Variants in GRID1 observed in about 807,000 individuals in gnomAD.
GRID1 encodes the protein glutamate receptor ionotropic, delta-1.
A neutral mutation model predicts 98.0 loss-of-function variants in GRID1; 28 were observed. That is an observed-to-expected ratio of 0.29 (90% CI 0.21 to 0.39). The LOEUF is 0.39. Among genes scored for constraint, GRID1 ranks in the 10% least tolerant of loss-of-function variants. The pLI, the probability that GRID1 is intolerant of heterozygous loss-of-function variation, is 1.00. For synonymous variants in GRID1, 553 were observed against 538.5 expected (o/e 1.03, Z -0.37); for missense variants, 1,111 against 1,340.5 (o/e 0.83, Z 2.67).
intron 8 of GRID1, among the ~76,000 whole-genome samples, chr10:85,799,661 A>T (rs1469010976): frequency 1.3e-5 from 2 of 152,112 alleles, no homozygotes; most frequent in Non-Finnish European, 2.9e-5. Context: ...AATCTTAAAA[A>T]AGCCAATCTC....
At chr10:86,079,435 C>T (rs1395039154) in intron 4 of GRID1, among the ~76,000 whole-genome samples, 2 of 152,124 alleles carry the variant, frequency 1.3e-5, no homozygotes, top group East Asian at 3.9e-4. Flanking sequence ...CTCCAGGGCT[C>T]CAGGGCTCCA....
intron 12 of GRID1, among the ~76,000 whole-genome samples, chr10:85,648,946 T>G (rs534350432): frequency 6.6e-6 from 1 of 152,356 alleles, no homozygotes; most frequent in South Asian, 2.1e-4. Flanking sequence ...CAACCAACAC[T>G]GTGGTCCAGA....
At chr10:86,259,259 G>A (rs1342707034) in intron 2 of GRID1, among the ~76,000 whole-genome samples, 1 of 152,138 alleles carries the variant, frequency 6.6e-6, no homozygotes, top group African/African-American at 2.4e-5. Context: ...AGCCCTAACA[G>A]TTTAACCCAA....
intron 4 of GRID1, among the ~76,000 whole-genome samples, chr10:86,016,901 G>T (rs942726072): frequency 1.3e-5 from 2 of 152,318 alleles, no homozygotes; most frequent in Non-Finnish European, 1.5e-5. Flanking sequence ...TCCACAGAAT[G>T]AGGGTGCTCT....
intron 13 of GRID1, among the ~76,000 whole-genome samples, chr10:85,642,933 T>C (rs569999166): frequency 3.9e-5 from 6 of 152,252 alleles, no homozygotes; most frequent in African/African-American, 1.2e-4. Flanking sequence ...GGCTCAATGA[T>C]GTGTATTGGC....
intron 5 of GRID1, among the ~76,000 whole-genome samples, chr10:85,906,457 C>A (rs1841462609): frequency 6.6e-6 from 1 of 152,130 alleles, no homozygotes; most frequent in Non-Finnish European, 1.5e-5. Context: ...GGATCCTTTT[C>A]AAGTATACTT....
chr10:85,617,153 C>T (rs573200819), intron 14 of GRID1, among the ~76,000 whole-genome samples: 37 of 152,270 alleles, frequency 2.4e-4, no homozygotes, highest in Admixed American at 5.2e-4. Flanking sequence ...TCAGGCATTG[C>T]TCTCAGGACC....
chr10:86,105,525 G>C (rs545750844), intron 4 of GRID1, among the ~76,000 whole-genome samples: 1 of 152,274 alleles, frequency 6.6e-6, no homozygotes, highest in African/African-American at 2.4e-5. Context: ...GCCTTCTGAG[G>C]CACACATCTA....
At chr10:86,316,900 G>A (rs111883484) in intron 2 of GRID1, among the ~76,000 whole-genome samples, 197 of 152,350 alleles carry the variant, frequency 1.3e-3, no homozygotes, top group African/African-American at 4.6e-3. Context: ...CCCTGAGTGT[G>A]CACAAGAATC....
At chr10:85,716,171 T>G (rs2132642377) in intron 12 of GRID1, among the ~76,000 whole-genome samples, 2 of 152,298 alleles carry the variant, frequency 1.3e-5, no homozygotes, top group East Asian at 3.9e-4. Context: ...CCTCCCAAAG[T>G]GCTCGATTAC....
At chr10:85,896,582 CA>C (rs1841297277) in intron 5 of GRID1, among the ~76,000 whole-genome samples, 1 of 152,172 alleles carries the variant, frequency 6.6e-6, no homozygotes, top group Non-Finnish European at 1.5e-5. Context: ...AGGACATAGG[CA>C]ACCATGTCAC....
chr10:85,836,132 G>A (rs1842909770), intron 8 of GRID1, among the ~76,000 whole-genome samples: 1 of 151,804 alleles, frequency 6.6e-6, no homozygotes, highest in Non-Finnish European at 1.5e-5. Flanking sequence ...GTAAAAAAAA[G>A]CAAAATAAAT....
intron 2 of GRID1, among the ~76,000 whole-genome samples, chr10:86,233,404 G>C (rs577338701): frequency 6.6e-6 from 1 of 152,276 alleles, no homozygotes; most frequent in South Asian, 2.1e-4. Context: ...TGATGGAGTC[G>C]CAGATGCTAT....
intron 4 of GRID1, among the ~76,000 whole-genome samples, chr10:86,116,376 A>T (rs1844579152): frequency 6.6e-6 from 1 of 152,224 alleles, no homozygotes; most frequent in African/African-American, 2.4e-5. Flanking sequence ...TGTCAGGCAC[A>T]TACTCAAACA....
chr10:86,253,248 C>T (rs1846864958), intron 2 of GRID1, among the ~76,000 whole-genome samples: 1 of 152,382 alleles, frequency 6.6e-6, no homozygotes, highest in Non-Finnish European at 1.5e-5. Context: ...CCGGGTTCCA[C>T]ATCCTGCATC....
intron 2 of GRID1, among the ~76,000 whole-genome samples, chr10:86,299,256 T>TTA (rs1304263439): frequency 6.6e-6 from 1 of 150,540 alleles, no homozygotes; most frequent in Non-Finnish European, 1.5e-5. Context: ...AACATAAACT[T>TTA]TATATCCTTT....
At chr10:86,125,084 G>T (rs955274905) in intron 4 of GRID1, among the ~76,000 whole-genome samples, 7 of 152,230 alleles carry the variant, frequency 4.6e-5, no homozygotes, top group Non-Finnish European at 1.0e-4. Flanking sequence ...ATGCAGTAAT[G>T]CCTGAGCACT....
intron 8 of GRID1, among the ~76,000 whole-genome samples, chr10:85,822,997 C>T (rs111742807): frequency 0.055 from 8,324 of 152,038 alleles, 260 homozygotes; most frequent in African/African-American, 0.082. Flanking sequence ...ATGAGAACAC[C>T]TGGACACAGG....
chr10:85,702,617 C>T (rs991019318), intron 12 of GRID1, among the ~76,000 whole-genome samples: 2 of 151,796 alleles, frequency 1.3e-5, no homozygotes, highest in Non-Finnish European at 1.5e-5. Context: ...CAACCAACTC[C>T]GGAAGTTTTT....
Sources: allele counts gnomAD v4.1 joint callset (sites outside exome capture counted in the v4.1 genomes callset), GRCh38; gene constraint gnomAD v4.1.1; transcripts MANE v1.5; gene names NCBI Gene and HGNC (gene_info 2026-07-23, HGNC 2026-07-21).